KCNH4: variants seen among roughly 807,000 people sequenced by gnomAD.
KCNH4 encodes voltage-gated delayed rectifier potassium channel KCNH4.
In KCNH4, 33 loss-of-function variants were observed where a neutral mutation model predicts 90.7. That is an observed-to-expected ratio of 0.36 (90% CI 0.28 to 0.49). The LOEUF (loss-of-function observed/expected upper bound fraction) is 0.49, where lower values mean the gene tolerates loss of function less well. KCNH4 is among the 20% of genes least tolerant of loss of function. The pLI is 0.98. For missense variants in KCNH4, 1,044 were observed against 1,387.1 expected (o/e 0.75, Z 3.93); for synonymous variants, 551 against 581.7 (o/e 0.95, Z 0.76).
chr17:42,173,925 A>C (rs1042356817), intron 6 of KCNH4, among the ~76,000 whole-genome samples: 10 of 151,258 alleles, frequency 6.6e-5, no homozygotes, highest in African/African-American at 2.4e-4. Flanking sequence ...GATGGTCTTG[A>C]TCTCCTGACC....
Position 42,178,843 on chromosome 17 carries a change from A to C in KCNH4, c.260T>G (p.Leu87Arg). ...EPALQRLHKA[L>R]EGHQEHRAEI... is the part of the protein sequence containing the mutation. ...AGCCCGGTGCTCCTGGTGGCCCTCC[A>C]GGGCTTTGTGCAGACGCTGCAGGGC... The change falls in exon 2 of 17, where the codon CTG (leucine) becomes CGG (arginine). Residue 87 changes from leucine to arginine, a missense_variant. By Grantham distance (102) the Leu-to-Arg change is moderately radical. This residue lies in a region of KCNH4 where 283 missense variants were observed against 378.6 expected (regional missense o/e 0.75). Transcript: ENST00000264661. 1.2e-6 allele frequency: 2 copies of C among 1,614,112 alleles called. No individual in the cohort carries two copies. The highest frequency in any genetic ancestry group is 1.7e-6 in the Non-Finnish European group (2 of 1,180,042).
chr17:42,178,339 C>T lies in KCNH4; in HGVS notation c.449G>A (p.Ser150Asn), dbSNP rs776587583. 2 of 1,614,254 alleles carry T rather than the reference C, an allele frequency of 1.2e-6. No homozygotes were observed. Among genetic ancestry groups the T allele is most frequent in the Non-Finnish European group, 1.7e-6 (2 of 1,180,048 alleles). The change falls in exon 3 of 17, where the codon AGT becomes AAT. Residue 150 changes from serine to asparagine, a missense_variant. Ser to Asn is a conservative substitution (Grantham distance 46, BLOSUM62 1). Transcript: ENST00000264661. Reference protein sequence around the residue: ...GLGPQGGRGDSNHENSLGRRG... With the variant: ...GLGPQGGRGDNNHENSLGRRG... ...TCCGGACTTGCTGTTACCGTGATTACTGTCCCCGCGGCCTCCTTGGGGGCC... is the reference window on the plus strand; with the variant it reads ...TCCGGACTTGCTGTTACCGTGATTATTGTCCCCGCGGCCTCCTTGGGGGCC...
rs996564337 is a variant in KCNH4 at position 42,181,028 on chromosome 17, C to G, written c.-83G>C. The stretch of plus-strand genomic sequence containing the variant: ...GGAGGGGGCGCGCTGTCGGAGGGGC[C>G]GGGGCGCCCCATGCGCCCTCCTGCC... On this transcript the variant is annotated 5_prime_UTR_variant, in exon 1 of 17. Coordinates refer to ENST00000264661, the MANE Select transcript of KCNH4 (RefSeq NM_012285.3). The G allele has an allele frequency of 5.5e-6, 7 of 1,278,616 alleles. No individual in the cohort carries two copies. Among genetic ancestry groups the G allele is most frequent in the Admixed American group, 2.2e-5 (1 of 45,362 alleles). The allele number at this position is 1,278,616 out of a possible 1,614,324, so 79.2% of individuals were successfully genotyped here. A position where few individuals can be genotyped will look rare whatever the true frequency, so the allele number is the denominator to read the frequency against.
chr17:42,164,541 G>A (rs948447623), intron 11 of KCNH4, among the ~76,000 whole-genome samples: 1 of 152,202 alleles, frequency 6.6e-6, no homozygotes, highest in Non-Finnish European at 1.5e-5. Context: ...GGTGGCTCAC[G>A]CCTGTAATCC....
In KCNH4 at chr17:42,180,107, G is replaced by A. The variant is rs2144146039; in HGVS notation, c.76+763C>T. Among the ~76,000 whole-genome samples, 1 of 152,390 alleles carries A rather than the reference G, an allele frequency of 6.6e-6. No homozygotes were observed. Among genetic ancestry groups the A allele is most frequent in the Non-Finnish European group, 1.5e-5 (1 of 68,038 alleles). On this transcript the variant is annotated intron_variant, in intron 1 of 16. Coordinates refer to ENST00000264661, the MANE Select transcript of KCNH4 (RefSeq NM_012285.3). The surrounding 1 kb of genome is among the most constrained non-coding windows in gnomAD (Gnocchi z 4.7). ...GGCGCTATGGAAACAAGGTGGTGGG[G>A]AAGAGGGTAGGGCCCGGCGGCTCAG...
At chr17:42,171,755 G>A (rs774299506) in intron 7 of KCNH4, 33 bp downstream of exon 7, 2 of 1,605,230 alleles carry the variant, frequency 1.2e-6, no homozygotes, top group Non-Finnish European at 1.7e-6. Context: ...AGGTGGACAG[G>A]TGGTCTGTGA....
chr17:42,160,730 T>C (rs1235244365), intron 15 of KCNH4, among the ~76,000 whole-genome samples: 1 of 152,196 alleles, frequency 6.6e-6, no homozygotes, highest in Non-Finnish European at 1.5e-5. Flanking sequence ...GACAGCCTTA[T>C]TATTCTCAGC....
At position 42,178,472 on chromosome 17, in the gene KCNH4, C is replaced by T. The variant is rs1200844530; in HGVS notation, c.316G>A (p.Ala106Thr). 4 of 1,614,034 alleles carry T rather than the reference C, an allele frequency of 2.5e-6. No individual in the cohort carries two copies. In the Admixed American group the frequency reaches 6.7e-5, roughly 27 times the overall value. Reference protein sequence around the residue: ...EICFYRKDGSAFWCLLDMMPI... With the variant: ...EICFYRKDGSTFWCLLDMMPI... ...ATCATGTCCAGGAGGCACCAAAAGG[C>T]TGAGCCTGTAGGCATGGAGAGAGGG... The change falls in exon 3 of 17, where the codon GCC (alanine) becomes ACC (threonine). Residue 106 changes from alanine to threonine, a missense_variant. Around this residue, in one of 4 missense-constraint regions of KCNH4, gnomAD observed 283 missense variants for 378.6 expected, o/e 0.75. Transcript: ENST00000264661.
intron 6 of KCNH4, among the ~76,000 whole-genome samples, chr17:42,174,681 G>GT (rs2079849911): frequency 6.6e-6 from 1 of 152,038 alleles, no homozygotes; most frequent in Non-Finnish European, 1.5e-5. Flanking sequence ...CACCCAAGGG[G>GT]GCCTGGGGAC....
intron 9 of KCNH4, among the ~76,000 whole-genome samples, chr17:42,167,978 A>G (rs926257916): frequency 5.3e-5 from 8 of 152,082 alleles, no homozygotes; most frequent in African/African-American, 1.9e-4. Flanking sequence ...CTGCGGGCTT[A>G]TTGAGCCGCT....
chr17:42,164,799 C>CA (rs111862071), intron 11 of KCNH4, among the ~76,000 whole-genome samples: 112 of 145,524 alleles, frequency 7.7e-4, no homozygotes, highest in Middle Eastern at 7.2e-3. Flanking sequence ...CAGACTGTCT[C>CA]AAAAAAAAAC....
intron 7 of KCNH4, among the ~76,000 whole-genome samples, chr17:42,171,029 C>T (rs992520021): frequency 6.6e-6 from 1 of 152,106 alleles, no homozygotes; most frequent in Admixed American, 6.6e-5. Flanking sequence ...CAGGGCCGCC[C>T]AGGGTGTGCA....
chr17:42,163,877 C>A lies in KCNH4; in HGVS notation c.2206G>T (p.Gly736Cys). 1.3e-6 allele frequency: 2 copies of A among 1,534,760 alleles called. No homozygotes were observed. The highest frequency in any genetic ancestry group is 1.8e-6 in the Non-Finnish European group (2 of 1,139,670). The change falls in exon 13 of 17, where the codon GGT (glycine) becomes TGT (cysteine). Residue 736 changes from glycine to cysteine, a missense_variant. Coordinates refer to ENST00000264661, the MANE Select transcript of KCNH4 (RefSeq NM_012285.3). This position sits in a 1 kb window ranked among gnomAD's most constrained non-coding sequence, Gnocchi z 5.4. ...TEAESGAEPG[G>C]GPRPRRPLLL... is the part of the protein sequence containing the mutation. The stretch of plus-strand genomic sequence containing the variant: ...AGGGGCCGTCGGGGCCTGGGACCAC[C>A]CCCAGGCTCCGCGCCACTCTCGGCC...
At position 42,179,362 on chromosome 17, in the gene KCNH4, A is replaced by G. The variant is rs567494988; in HGVS notation, c.77-336T>C. Among the ~76,000 whole-genome samples the G allele has an allele frequency of 2.0e-5, 3 of 152,208 alleles. No homozygotes were observed. In the South Asian group the frequency reaches 6.2e-4, roughly 32 times the overall value. ...GTGAGTAAGAGCCTGGGCTCCTGCA[A>G]CCCTCCACTGCCACTTACTAACTGT... On this transcript the variant is annotated intron_variant, in intron 1 of 16. Coordinates refer to ENST00000264661, the MANE Select transcript of KCNH4 (RefSeq NM_012285.3).
chr17:42,163,215 T>C lies in KCNH4; in HGVS notation c.2584+13A>G, dbSNP rs1466348855. The C allele has an allele frequency of 4.4e-6, 7 of 1,576,572 alleles. No homozygotes were observed. In the East Asian group the frequency reaches 6.7e-5, roughly 15 times the overall value. On this transcript the variant is annotated intron_variant, in intron 14 of 16. Transcript: ENST00000264661. This position sits in a 1 kb window ranked among gnomAD's most constrained non-coding sequence, Gnocchi z 5.4. ...GATGGATGACGGGGTTGAAGTCCAC[T>C]GTTGGCCCTTACCTGTAGGGGGCGC...
At position 42,180,319 on chromosome 17, in the gene KCNH4, A is replaced by G. The variant is rs1364299979; in HGVS notation, c.76+551T>C. Among the ~76,000 whole-genome samples the G allele has an allele frequency of 6.6e-6, 1 of 152,026 alleles. No individual in the cohort carries two copies. The highest frequency in any genetic ancestry group is 1.5e-5 in the Non-Finnish European group (1 of 67,986). On this transcript the variant is annotated intron_variant, in intron 1 of 16. Coordinates refer to ENST00000264661, the MANE Select transcript of KCNH4 (RefSeq NM_012285.3). This position sits in a 1 kb window ranked among gnomAD's most constrained non-coding sequence, Gnocchi z 4.7. ...AGGTGCTGAACCTGAAACCCAAGCT[A>G]CGTTGGGCGAGCTGGGAGTTCCCAC... is the stretch of plus-strand genomic sequence containing the variant.
intron 9 of KCNH4, among the ~76,000 whole-genome samples, chr17:42,168,308 C>T (rs751983595): frequency 3.3e-5 from 5 of 152,122 alleles, no homozygotes; most frequent in Admixed American, 6.6e-5. Flanking sequence ...AGAGTCGCAT[C>T]AGCTGGGCCC....
intron 11 of KCNH4, among the ~76,000 whole-genome samples, 169 bp from the exon 12 acceptor site, chr17:42,164,337 G>T (rs1437710184): frequency 1.3e-5 from 2 of 152,222 alleles, no homozygotes; most frequent in African/African-American, 4.8e-5. Context: ...ATCAAAGTGA[G>T]ACTGAAAAGC....
At chr17:42,168,105 A>C (rs898607167) in intron 9 of KCNH4, among the ~76,000 whole-genome samples, 2 of 152,082 alleles carry the variant, frequency 1.3e-5, no homozygotes, top group Admixed American at 6.5e-5. Context: ...CCCAGGCACA[A>C]TGAGGACCTG....
Sources: gnomAD v4.1 joint callset for allele counts (sites outside exome capture counted in the v4.1 genomes callset) on GRCh38, gnomAD v4.1.1 for gene constraint, gnomAD v4.1.1 regional missense constraint, Gnocchi (gnomAD v3.1) non-coding constraint, MANE v1.5 for transcripts, NCBI Gene and HGNC (gene_info 2026-07-23, HGNC 2026-07-21) for gene names.